ZNF451: variants seen among roughly 807,000 people sequenced by gnomAD.
The protein encoded by ZNF451 is E3 SUMO-protein ligase ZNF451.
A neutral mutation model predicts 107.1 loss-of-function variants in ZNF451; 80 were observed. The ratio of observed to expected loss-of-function variants is 0.75; its 90% CI spans 0.62 to 0.90. ZNF451 has a LOEUF of 0.90. ZNF451 is among the 40% of genes least tolerant of loss of function. ZNF451 has a pLI of 0.00. For missense variants in ZNF451, 1,107 were observed against 1,236.2 expected, an observed-to-expected ratio of 0.90 and a Z score of 1.57; for synonymous variants, 362 against 406.5, an observed-to-expected ratio of 0.89 and a Z score of 1.32.
intron 10 of ZNF451, among the ~76,000 whole-genome samples, chr6:57,149,581 G>T (rs928560607): frequency 1.3e-5 from 2 of 152,036 alleles, no homozygotes; most frequent in African/African-American, 2.4e-5. Flanking sequence ...CTAATTCTTG[G>T]TGAGTTATAC....
chr6:57,153,542 G>A (rs1353944900), intron 12 of ZNF451, among the ~76,000 whole-genome samples: 8 of 151,866 alleles, frequency 5.3e-5, no homozygotes, highest in African/African-American at 1.9e-4. Flanking sequence ...ATCCCGAGTA[G>A]TTGGGATTAC....
intron 7 of ZNF451, among the ~76,000 whole-genome samples, chr6:57,139,568 T>G (rs1190471553): frequency 6.6e-6 from 1 of 152,198 alleles, no homozygotes; most frequent in East Asian, 1.9e-4. Context: ...TTTGAGGCTA[T>G]TACTCTAAAG....
At chr6:57,153,509 A>G (rs1236480366) in intron 12 of ZNF451, among the ~76,000 whole-genome samples, 2 of 150,472 alleles carry the variant, frequency 1.3e-5, no homozygotes, top group Non-Finnish European at 2.9e-5. Context: ...AGTTCAAGTG[A>G]TTCTCCAGCC....
At chr6:57,110,180 G>A (rs182106120) in intron 3 of ZNF451, among the ~76,000 whole-genome samples, 1 of 152,222 alleles carries the variant, frequency 6.6e-6, no homozygotes, top group South Asian at 2.1e-4. Flanking sequence ...GTGGAACAGT[G>A]TGGGTAACAC....
At chr6:57,105,212 G>A (rs893692618) in intron 3 of ZNF451, 2 of 985,142 alleles carry the variant, frequency 2.0e-6, no homozygotes, top group African/African-American at 3.5e-5. Context: ...TTTTCTAGGA[G>A]GCCTTGGAAT....
At chr6:57,107,128 G>A (rs939491369) in intron 3 of ZNF451, 1 of 985,312 alleles carries the variant, frequency 1.0e-6, no homozygotes, top group African/African-American at 1.7e-5. Context: ...CTTCCTGTGG[G>A]ATATATCTGG....
intron 9 of ZNF451, among the ~76,000 whole-genome samples, chr6:57,143,162 A>T (rs969780094): frequency 6.6e-6 from 1 of 152,090 alleles, no homozygotes; most frequent in African/African-American, 2.4e-5. Context: ...TTGCATATTC[A>T]TATTTTTAAT....
chr6:57,109,282 C>G, intron 3 of ZNF451: 1 of 984,380 alleles, frequency 1.0e-6, no homozygotes. Context: ...TTATTACATT[C>G]ATTTTGTTTC....
chr6:57,148,509 C>A lies in ZNF451; in HGVS notation c.2424C>A (p.Phe808Leu). ...FHDPESAQQH[F>L]HRKHCFLQKP... ...ATCCTGAGAGTGCACAGCAGCATTT[C>A]CATAGAAAACATTGCTTCTTACAGA... The change falls in exon 10 of 15, where the codon TTC (phenylalanine) becomes TTA (leucine). Residue 808 changes from phenylalanine to leucine, a missense_variant. Phe to Leu is a conservative substitution (Grantham distance 22). This residue lies in a region of ZNF451 where 608 missense variants were observed against 649.2 expected (regional missense o/e 0.94). Coordinates refer to ENST00000370706, the MANE Select transcript of ZNF451 (RefSeq NM_001031623.3). 1 of 1,614,080 alleles carries A rather than the reference C, an allele frequency of 6.2e-7. No homozygotes were observed. The highest frequency in any genetic ancestry group is 8.5e-7 in the Non-Finnish European group (1 of 1,179,966).
intron 9 of ZNF451, among the ~76,000 whole-genome samples, chr6:57,146,647 A>G (rs893528830): frequency 2.0e-5 from 3 of 152,076 alleles, no homozygotes; most frequent in Admixed American, 1.3e-4. Flanking sequence ...ATACCAGTAC[A>G]TGTTGTTTTG....
chr6:57,096,827 G>A (rs1829348794), intron 2 of ZNF451, among the ~76,000 whole-genome samples: 1 of 134,546 alleles, frequency 7.4e-6, no homozygotes, highest in South Asian at 2.4e-4. Context: ...CCAGGCTGGA[G>A]TGCAGTGGCA....
chr6:57,138,706 TA>T (rs1562615390), intron 7 of ZNF451, among the ~76,000 whole-genome samples: 1 of 15,304 alleles, frequency 6.5e-5, no homozygotes, highest in African/African-American at 2.7e-4. Context: ...AGCTATGCCA[TA>T]TATATATATA....
intron 12 of ZNF451, among the ~76,000 whole-genome samples, chr6:57,153,014 G>T (rs1259624826): frequency 1.3e-5 from 2 of 152,064 alleles, no homozygotes; most frequent in Non-Finnish European, 2.9e-5. Flanking sequence ...TGTCTCTGCT[G>T]GGTACCTAGA....
chr6:57,154,657 T>C (rs997487457), intron 13 of ZNF451: 1 of 152,398 alleles, frequency 6.6e-6, no homozygotes, highest in Non-Finnish European at 1.5e-5. Flanking sequence ...GAAGTTTTGT[T>C]TTTCGTTTTT....
chr6:57,138,741 A>ATGTATG (rs1831589031), intron 7 of ZNF451, among the ~76,000 whole-genome samples: 1 of 46,588 alleles, frequency 2.1e-5, no homozygotes, highest in Non-Finnish European at 3.6e-5. Flanking sequence ...ATATATATAT[A>ATGTATG]TGTGTGTGTG....
intron 3 of ZNF451, chr6:57,116,743 C>A (rs1830389390): frequency 6.6e-6 from 1 of 152,100 alleles, no homozygotes; most frequent in African/African-American, 2.4e-5. Context: ...CTACTCCTAG[C>A]AGATTTCTCC....
intron 3 of ZNF451, chr6:57,107,226 A>G (rs1271437544): frequency 1.0e-6 from 1 of 985,122 alleles, no homozygotes; most frequent in Admixed American, 6.2e-5. Flanking sequence ...TGTATTCAAC[A>G]CCTCTTTCTG....
intron 3 of ZNF451, chr6:57,107,985 C>T: frequency 2.1e-6 from 1 of 466,836 alleles, no homozygotes; most frequent in South Asian, 9.2e-5. Context: ...ACTACAGGCG[C>T]CCGCCACCAC....
chr6:57,142,416 A>G (rs1407899007), intron 9 of ZNF451, among the ~76,000 whole-genome samples: 2 of 152,250 alleles, frequency 1.3e-5, no homozygotes, highest in Admixed American at 6.5e-5. Context: ...AAAGTATCAT[A>G]TACATTTGAA....
Sources: gnomAD v4.1 joint callset for allele counts (sites outside exome capture counted in the v4.1 genomes callset) on GRCh38, gnomAD v4.1.1 for gene constraint, gnomAD v4.1.1 regional missense constraint, MANE v1.5 for transcripts, NCBI Gene and HGNC (gene_info 2026-07-23, HGNC 2026-07-21) for gene names.